Variants in ZNF829 observed in about 807,000 individuals in gnomAD.
ZNF829 encodes the protein zinc finger protein 829.
In ZNF829, 25 loss-of-function variants were observed where a neutral mutation model predicts 35.2. The observed-to-expected ratio is 0.71, with a 90% CI of 0.52 to 0.99. ZNF829 has a LOEUF of 0.99. ZNF829 is among the 50% of genes least tolerant of loss of function. The pLI is 0.00. For missense variants in ZNF829, 417 were observed against 515.3 expected, an observed-to-expected ratio of 0.81 and a Z score of 1.85; for synonymous variants, 136 against 163.2, an observed-to-expected ratio of 0.83 and a Z score of 1.27.
intron 5 of ZNF829, among the ~76,000 whole-genome samples, chr19:36,902,332 A>G (rs2073174786): frequency 6.6e-6 from 1 of 152,188 alleles, no homozygotes; most frequent in Non-Finnish European, 1.5e-5. Context: ...CAAAATGTAA[A>G]TTTTAAGATT....
At chr19:36,902,342 T>C (rs931220871) in intron 5 of ZNF829, among the ~76,000 whole-genome samples, 9 of 152,148 alleles carry the variant, frequency 5.9e-5, no homozygotes, top group Non-Finnish European at 1.2e-4. Context: ...ATTTTAAGAT[T>C]ATAAAAACTA....
intron 5 of ZNF829, among the ~76,000 whole-genome samples, chr19:36,899,019 G>T (rs1297488346): frequency 1.3e-5 from 2 of 152,094 alleles, no homozygotes; most frequent in Non-Finnish European, 2.9e-5. Flanking sequence ...GGACTATATT[G>T]AACTAAAATG....
chr19:36,912,892 G>A (rs1309823329), intron 3 of ZNF829: 1 of 152,270 alleles, frequency 6.6e-6, no homozygotes, highest in African/African-American at 2.4e-5. Context: ...AGCTACTCGG[G>A]AGGCTGAGGC....
Position 36,891,777 on chromosome 19 carries a change from T to C in ZNF829, c.1014A>G (p.Thr338=), listed in dbSNP as rs538972636. 2.2e-5 allele frequency: 36 copies of C among 1,614,118 alleles called. 1 individual carries two copies. In the South Asian group the frequency reaches 3.8e-4, roughly 17 times the overall value. ...QCGKAFNSAS[T]LTNHHRIHAG... is the part of the protein sequence containing the mutation. ...CATGAATTCTGTGATGGTTAGTAAG[T>C]GTTGAGGCACTATTAAAGGCCTTCC... The change falls in exon 6 of 6, where the codon ACA becomes ACG. Residue 338 remains threonine, a synonymous_variant. Coordinates refer to ENST00000391711, the MANE Select transcript of ZNF829 (RefSeq NM_001037232.4).
Position 36,890,536 on chromosome 19 carries a change from T to C in ZNF829, c.*956A>G, listed in dbSNP as rs1021012128. 5.3e-5 allele frequency: 8 copies of C among 152,068 alleles called. No individual in the cohort carries two copies. The highest frequency in any genetic ancestry group is 4.6e-4 in the Admixed American group (7 of 15,254). The allele number at this position is 152,068 out of a possible 1,614,324, so 9.4% of individuals were successfully genotyped here. ...AATGACCTTCTTTGTCCTTTTTAAT[T>C]TTTGTTGGTATAAAGTCTGTTTTGG... On this transcript the variant is annotated 3_prime_UTR_variant, in exon 6 of 6. Coordinates refer to ENST00000391711, the MANE Select transcript of ZNF829 (RefSeq NM_001037232.4).
intron 5 of ZNF829, among the ~76,000 whole-genome samples, chr19:36,900,145 AACACACACACACACACACACACAC>A (rs56218050): frequency 5.8e-5 from 7 of 120,500 alleles, no homozygotes; most frequent in South Asian, 3.0e-4. Flanking sequence ...GTCTCTACTA[AACACACACACACACACACACACAC>A]ACACACACAC....
chr19:36,902,905 G>A (rs773045348), intron 5 of ZNF829, among the ~76,000 whole-genome samples: 32 of 151,922 alleles, frequency 2.1e-4, no homozygotes, highest in Non-Finnish European at 2.8e-4. Flanking sequence ...ACATGGTGGC[G>A]CACGCCTGTA....
chr19:36,898,919 G>A (rs887781576), intron 5 of ZNF829, among the ~76,000 whole-genome samples: 1 of 152,038 alleles, frequency 6.6e-6, no homozygotes, highest in Non-Finnish European at 1.5e-5. Flanking sequence ...AAACATAGGG[G>A]AAACACTTCA....
chr19:36,908,001 C>T lies in ZNF829; in HGVS notation c.247G>A (p.Val83Met), dbSNP rs2073233424. 6.2e-7 allele frequency: 1 copy of T among 1,613,962 alleles called. No homozygotes were observed. The highest frequency in any genetic ancestry group is 8.5e-7 in the Non-Finnish European group (1 of 1,179,936). ...SVGLSNSKPAVISLLEQGKEP... is the reference protein window; with the variant it reads ...SVGLSNSKPAMISLLEQGKEP... ...TTTCCTTGTTCCAATAAGGAGATCA[C>T]AGCTGGCTTAGAATTGGAAAGTCCT... Residue 83 changes from valine to methionine, a missense_variant, in exon 5 of 6, where the codon GTG (valine) becomes ATG (methionine). Physicochemically the swap from Val to Met is conservative, Grantham distance 21. Coordinates refer to ENST00000391711, the MANE Select transcript of ZNF829 (RefSeq NM_001037232.4).
In ZNF829 at chr19:36,892,380, A is replaced by T; in HGVS notation, c.411T>A (p.Phe137Leu). The change falls in exon 6 of 6, where the codon TTT (phenylalanine) becomes TTA (leucine). Residue 137 changes from phenylalanine to leucine, a missense_variant. Coordinates refer to ENST00000391711, the MANE Select transcript of ZNF829 (RefSeq NM_001037232.4). ...GTGGAATAAGAAATGTGGGCTGAAT[A>T]AAAGTAGACATGTCTTCACGGGTAA... ...VIITREDMST[F>L]IQPTFLIPPQ... 1 of 1,613,268 alleles carries T rather than the reference A, an allele frequency of 6.2e-7. No homozygotes were observed. The highest frequency in any genetic ancestry group is 8.5e-7 in the Non-Finnish European group (1 of 1,179,898).
chr19:36,897,160 A>G (rs897521922), intron 5 of ZNF829, among the ~76,000 whole-genome samples: 7 of 152,300 alleles, frequency 4.6e-5, no homozygotes, highest in Admixed American at 4.6e-4. Context: ...TTCTCAAACT[A>G]TTCCAAAAAA....
intron 1 of ZNF829, 88 bp downstream of exon 1, chr19:36,915,923 T>G (rs1166717977): frequency 6.5e-7 from 1 of 1,535,930 alleles, no homozygotes; most frequent in African/African-American, 1.4e-5. Flanking sequence ...CCATCGGTCT[T>G]CGGTATCCTC....
At chr19:36,900,873 C>T (rs1204730350) in intron 5 of ZNF829, among the ~76,000 whole-genome samples, 1 of 135,912 alleles carries the variant, frequency 7.4e-6, no homozygotes, top group African/African-American at 2.7e-5. Context: ...AAAAAGATAA[C>T]AAGTGTTAGC....
intron 5 of ZNF829, chr19:36,907,115 A>AGG (rs2073224309): frequency 2.2e-4 from 1 of 4,650 alleles, no homozygotes; most frequent in African/African-American, 5.9e-4. Flanking sequence ...AAAAAAATGT[A>AGG]TATATATATA....
rs1400395690 is a variant in ZNF829, at chr19:36,889,952, T to C, written c.*1540A>G. On this transcript the variant is annotated 3_prime_UTR_variant, in exon 6 of 6. Coordinates refer to ENST00000391711, the MANE Select transcript of ZNF829 (RefSeq NM_001037232.4). Reference sequence around the variant, plus strand: ...CACTGCTTTTGCTGTATCTCAGATGTTTTCATGTGTTTTGTCTCTATTTTC... The same window carrying C: ...CACTGCTTTTGCTGTATCTCAGATGCTTTCATGTGTTTTGTCTCTATTTTC... The C allele has an allele frequency of 6.6e-6, 1 of 152,200 alleles. No individual in the cohort carries two copies. Among genetic ancestry groups the C allele is most frequent in the Non-Finnish European group, 1.5e-5 (1 of 68,038 alleles). 9.4% of individuals were successfully genotyped at this position (152,200 alleles called of 1,614,324 possible).
chr19:36,901,819 C>T, intron 5 of ZNF829: 1 of 692,316 alleles, frequency 1.4e-6, no homozygotes, highest in East Asian at 2.7e-5. Context: ...GAGAATACAC[C>T]ATCAGTATGC....
intron 3 of ZNF829, among the ~76,000 whole-genome samples, chr19:36,911,100 T>C (rs1408324418): frequency 1.3e-5 from 2 of 152,204 alleles, no homozygotes; most frequent in Non-Finnish European, 2.9e-5. Context: ...AATGAATTAT[T>C]GAACCTGAAG....
intron 5 of ZNF829, among the ~76,000 whole-genome samples, 164 bp from the exon 6 acceptor site, chr19:36,892,635 G>A (rs1459093197): frequency 6.6e-6 from 1 of 152,190 alleles, no homozygotes; most frequent in Non-Finnish European, 1.5e-5. Flanking sequence ...ACAGACATTA[G>A]GAGAGGTAAT....
chr19:36,891,696 T>A lies in ZNF829; in HGVS notation c.1095A>T (p.Ser365=), dbSNP rs750022943. ...GGATTCTCTGATGTTGAATAAGTTCTGAGCTCTGAATAAAGGCCTTTCTAC... is the reference window on the plus strand; with the variant it reads ...GGATTCTCTGATGTTGAATAAGTTCAGAGCTCTGAATAAAGGCCTTTCTAC... ...EECRKAFIQS[S]ELIQHQRIHT... Residue 365 remains serine, a synonymous_variant, in exon 6 of 6, where the codon TCA becomes TCT. Coordinates refer to ENST00000391711, the MANE Select transcript of ZNF829 (RefSeq NM_001037232.4). 3 of 1,614,086 alleles carry A rather than the reference T, an allele frequency of 1.9e-6. No individual in the cohort carries two copies. Among genetic ancestry groups the A allele is most frequent in the Non-Finnish European group, 2.5e-6 (3 of 1,179,986 alleles).
Sources: gnomAD v4.1 joint callset for allele counts (sites outside exome capture counted in the v4.1 genomes callset) on GRCh38, gnomAD v4.1.1 for gene constraint, MANE v1.5 for transcripts, NCBI Gene and HGNC (gene_info 2026-07-23, HGNC 2026-07-21) for gene names.